INF2: variants seen among roughly 807,000 people sequenced by gnomAD.
The protein encoded by INF2 is inverted formin-2.
A neutral mutation model predicts 123.5 loss-of-function variants in INF2; 43 were observed. That is an observed-to-expected ratio of 0.35 (90% CI 0.27 to 0.45). The LOEUF (loss-of-function observed/expected upper bound fraction) is 0.45, where lower values mean the gene tolerates loss of function less well. Ranked by LOEUF, INF2 falls within the 20% of genes least tolerant of loss-of-function variation. The pLI, the probability that INF2 is intolerant of heterozygous loss-of-function variation, is 1.00. For missense variants in INF2, 1,453 were observed against 1,682.7 expected (o/e 0.86, Z 2.39); for synonymous variants, 851 against 745.0 (o/e 1.14, Z -2.32).
intron 5 of INF2, among the ~76,000 whole-genome samples, chr14:104,705,552 C>T (rs562404196): frequency 6.6e-6 from 1 of 152,308 alleles, no homozygotes; most frequent in South Asian, 2.1e-4. Flanking sequence ...ACTGGCAAGT[C>T]CTAGGCCCAG....
intron 1 of INF2, among the ~76,000 whole-genome samples, chr14:104,700,349 A>G (rs1202615083): frequency 6.6e-6 from 1 of 152,164 alleles, no homozygotes; most frequent in African/African-American, 2.4e-5. Flanking sequence ...GCCGAGGGCC[A>G]GGGTGGAGAG....
At chr14:104,686,266 G>A (rs1235113226), upstream of INF2, among the ~76,000 whole-genome samples, 1 of 150,992 alleles carries the variant, frequency 6.6e-6, no homozygotes, top group African/African-American at 2.4e-5. Context: ...TGAATGGATG[G>A]GCAGATGGAT....
At chr14:104,689,608 C>T, upstream of INF2, 2 of 842,242 alleles carry the variant, frequency 2.4e-6, no homozygotes, top group Non-Finnish European at 2.9e-6. Flanking sequence ...GCCCCGCCCG[C>T]CCCGCGCCCG....
At chr14:104,701,804 G>C in intron 2 of INF2, 48 bp downstream of exon 2, 1 of 1,442,822 alleles carries the variant, frequency 6.9e-7, no homozygotes, top group Non-Finnish European at 9.1e-7. Flanking sequence ...TGGGGACCTG[G>C]TATGAGGCTT....
In INF2 at chr14:104,704,246, C is replaced by G. The variant is rs373697359; in HGVS notation, c.701+297C>G. 50 of 1,249,756 alleles carry G rather than the reference C, an allele frequency of 4.0e-5. 2 individuals are homozygous for G. The Middle Eastern group carries it at 1.1e-3, about 28-fold the overall frequency. 77.4% of individuals were successfully genotyped at this position (1,249,756 alleles called of 1,614,324 possible). On this transcript the variant is annotated intron_variant, in intron 5 of 22. Transcript: ENST00000392634. ...GCTGGAGGCCGTGATCCTAAGTGAACCAACCCAGAAACAGAAAATGAAATG... is the reference window on the plus strand; with the variant it reads ...GCTGGAGGCCGTGATCCTAAGTGAAGCAACCCAGAAACAGAAAATGAAATG...
At chr14:104,683,982 G>T in intron 1 of INF2, 1 of 453,678 alleles carries the variant, frequency 2.2e-6, no homozygotes, top group Admixed American at 2.4e-5. Context: ...GCACCTCCAG[G>T]GAGCCCATCT....
Position 104,706,966 on chromosome 14 carries a change from C to T in INF2, c.900C>T (p.His300=). 4 of 1,601,714 alleles carry T rather than the reference C, an allele frequency of 2.5e-6. No homozygotes were observed. The highest frequency in any genetic ancestry group is 3.4e-6 in the Non-Finnish European group (4 of 1,179,192). The change falls in exon 7 of 23, where the codon CAC becomes CAT. Residue 300 remains histidine (H), a synonymous_variant. Coordinates refer to ENST00000392634, the MANE Select transcript of INF2 (RefSeq NM_022489.4). Reference sequence around the variant, plus strand: ...TGTCGGTGCTGCAGGGCCTCCTGCACCTGGAGCCCACCCTCCGCTCCAGCC... The same window carrying T: ...TGTCGGTGCTGCAGGGCCTCCTGCATCTGGAGCCCACCCTCCGCTCCAGCC... The part of the protein sequence containing the change: ...QLLSVLQGLL[H]LEPTLRSSQL...
In INF2 at chr14:104,714,323, C is replaced by G. The variant is rs1188634872; in HGVS notation, c.3161C>G (p.Thr1054Ser). The change falls in exon 21 of 23, where the codon ACC becomes AGC. Residue 1054 changes from threonine (T) to serine (S), a missense_variant. Thr to Ser is a moderately conservative substitution (Grantham distance 58, BLOSUM62 1). Around this residue, in one of 8 missense-constraint regions of INF2, gnomAD observed 344 missense variants for 333.1 expected, o/e 1.03. Transcript: ENST00000392634. Reference protein sequence around the residue: ...SRGWDLVDAVTPGPQPTLEQL... With the variant: ...SRGWDLVDAVSPGPQPTLEQL... The stretch of plus-strand genomic sequence containing the variant: ...GGCTGGGACCTTGTAGACGCCGTGA[C>G]CCCCGGCCCTCAGCCCACCCTGGAG... 1 of 1,590,068 alleles carries G rather than the reference C, an allele frequency of 6.3e-7. No homozygotes were observed. The highest frequency in any genetic ancestry group is 8.6e-7 in the Non-Finnish European group (1 of 1,169,392).
chr14:104,701,000 C>T (rs914931268), intron 1 of INF2: 1 of 378,796 alleles, frequency 2.6e-6, no homozygotes, highest in Non-Finnish European at 3.6e-6. Context: ...CTCCCGCTCC[C>T]CCGAGTCCTC....
rs201633273 is a variant in INF2 at position 104,713,331 on chromosome 14, G to C, written c.2878+22G>C. 907 of 1,551,304 alleles carry C rather than the reference G, an allele frequency of 5.8e-4. 8 individuals are homozygous for C. The highest frequency in any genetic ancestry group is 2.6e-3 in the Middle Eastern group (15 of 5,762). Reference sequence around the variant, plus strand: ...CCTGGTGAGGCTGGGCCGGCTGGGCGGGGAGGGGGTGACTCTGGGATCCTT... The same window carrying C: ...CCTGGTGAGGCTGGGCCGGCTGGGCCGGGAGGGGGTGACTCTGGGATCCTT... On this transcript the variant is annotated intron_variant, in intron 19 of 22. Coordinates refer to ENST00000392634, the MANE Select transcript of INF2 (RefSeq NM_022489.4).
At chr14:104,694,346 G>C (rs536480377) in intron 1 of INF2, among the ~76,000 whole-genome samples, 1 of 152,246 alleles carries the variant, frequency 6.6e-6, no homozygotes, top group Non-Finnish European at 1.5e-5. Flanking sequence ...CACCCACGCT[G>C]AGGATCTTGT....
intron 1 of INF2, among the ~76,000 whole-genome samples, chr14:104,681,965 G>C (rs1031597773): frequency 6.6e-5 from 10 of 152,332 alleles, no homozygotes; most frequent in Admixed American, 5.9e-4. Context: ...TCCCAAGGCG[G>C]GAAGTGGGAG....
In INF2 at chr14:104,704,993, C is replaced by T. The variant is rs1210985606; in HGVS notation, c.702-1042C>T. ...CTGTAGTTTCATTTGCTAAATCTTG[C>T]AGCCCTGCTGGGAACCCACATAGCT... On this transcript the variant is annotated intron_variant, in intron 5 of 22. Coordinates refer to ENST00000392634, the MANE Select transcript of INF2 (RefSeq NM_022489.4). 5.3e-5 allele frequency among the ~76,000 whole-genome samples: 8 copies of T among 151,648 alleles called. 1 individual carries two copies. Among genetic ancestry groups the T allele is most frequent in the Admixed American group, 4.6e-4 (7 of 15,252 alleles).
At chr14:104,693,645 G>A (rs959744056) in intron 1 of INF2, among the ~76,000 whole-genome samples, 4 of 152,228 alleles carry the variant, frequency 2.6e-5, no homozygotes, top group South Asian at 2.1e-4. Flanking sequence ...TGCCCAACAC[G>A]CATGGAGTCC....
In INF2 at chr14:104,710,983, G is replaced by A. The variant is rs752786407; in HGVS notation, c.2286G>A (p.Leu762=). The stretch of plus-strand genomic sequence containing the variant: ...TGCCCATCTTCTGCCAGCTGATCCT[G>A]AGAATTGGGAACTTCCTCAACTACG... The part of the protein sequence containing the change: ...RQLPIFCQLI[L]RIGNFLNYGS... Residue 762 remains leucine, a synonymous_variant, in exon 14 of 23, where the codon CTG becomes CTA. Transcript: ENST00000392634. 1.2e-6 allele frequency: 2 copies of A among 1,610,678 alleles called. No individual in the cohort carries two copies. Among genetic ancestry groups the A allele is most frequent in the South Asian group, 1.1e-5 (1 of 90,936 alleles).
chr14:104,708,268 ACAG>A, intron 8 of INF2, 165 bp from the exon 9 acceptor site: 2 of 933,220 alleles, frequency 2.1e-6, no homozygotes, highest in South Asian at 1.7e-5. Context: ...GGGCCCTGCT[ACAG>A]GTGCTCAGGT....
At position 104,709,325 on chromosome 14, in the gene INF2, C is replaced by T. The variant is rs1279137766; in HGVS notation, c.1994C>T (p.Thr665Ile). 6.2e-6 allele frequency: 10 copies of T among 1,613,060 alleles called. No homozygotes were observed. In the Admixed American group the frequency reaches 1.3e-4, roughly 22 times the overall value. The change falls in exon 11 of 23, where the codon ACC becomes ATC. Residue 665 changes from threonine to isoleucine, a missense_variant. Around this residue, in one of 8 missense-constraint regions of INF2, gnomAD observed 192 missense variants for 274.4 expected, o/e 0.70. Transcript: ENST00000392634. ...VAAMIRAGDTTKFDVEVLKQL... is the reference protein window; with the variant it reads ...VAAMIRAGDTIKFDVEVLKQL... ...GCTATGATCCGGGCTGGAGATACCA[C>T]CAAGTTTGATGTGGAGGTTCTCAAA...
intron 1 of INF2, chr14:104,681,683 C>T: frequency 2.0e-6 from 2 of 1,024,860 alleles, no homozygotes; most frequent in Non-Finnish European, 1.3e-6. Flanking sequence ...GCAGGAGGCA[C>T]AGGCCCCTGA....
chr14:104,715,807 T>C lies in INF2; in HGVS notation c.*1+467T>C, dbSNP rs761947668. On this transcript the variant is annotated intron_variant, in intron 22 of 22. Transcript: ENST00000392634. ...CTTCACTCTAAGTGTGTCAATGGCG[T>C]GGGGCCTTCTGGGGCATGTCCCCAG... The C allele has an allele frequency of 1.9e-5, 9 of 463,422 alleles. 2 individuals carry two copies. The highest frequency in any genetic ancestry group is 1.4e-4 in the South Asian group (9 of 64,628). The allele number at this position is 463,422 out of a possible 1,614,324, so 28.7% of individuals were successfully genotyped here. A position where few individuals can be genotyped will look rare whatever the true frequency, so the allele number is the denominator to read the frequency against.
Sources: allele counts gnomAD v4.1 joint callset (sites outside exome capture counted in the v4.1 genomes callset), GRCh38; gene constraint gnomAD v4.1.1; regional missense constraint gnomAD v4.1.1; transcripts MANE v1.5; gene names NCBI Gene and HGNC (gene_info 2026-07-23, HGNC 2026-07-21).